HEPH: variants seen among roughly 807,000 people sequenced by gnomAD.
HEPH encodes hephaestin.
A neutral mutation model predicts 80.8 loss-of-function variants in HEPH; 69 were observed. The observed-to-expected ratio is 0.85, with a 90% CI of 0.70 to 1.04. The LOEUF (loss-of-function observed/expected upper bound fraction) is 1.04, where lower values mean the gene tolerates loss of function less well. Ranked by LOEUF, HEPH falls within the 50% of genes least tolerant of loss-of-function variation. The probability of loss-of-function intolerance (pLI) is 0.00; values close to 1 mark genes in which losing one functional copy is unlikely to be tolerated. For missense variants in HEPH, 1,115 were observed against 891.3 expected, an observed-to-expected ratio of 1.25 and a Z score of -3.20; for synonymous variants, 431 against 322.8, an observed-to-expected ratio of 1.34 and a Z score of -3.60.
intron 15 of HEPH, among the ~76,000 whole-genome samples, chrX:66,242,203 G>T (rs1327949839): frequency 9.0e-6 from 1 of 110,663 alleles, no homozygotes; most frequent in Non-Finnish European, 1.9e-5. Context: ...AGAGAATGAA[G>T]AAATAAAGCT....
In HEPH at chrX:66,242,073, G is replaced by GAA. The variant is rs748372748; in HGVS notation, c.2564-12950_2564-12949dup. The stretch of plus-strand genomic sequence containing the variant: ...TGAGTAGGCAAGACAATCCTAAGCA[G>GAA]AAAAAAAAAAAAACTGAAGGCATCA... On this transcript the variant is annotated intron_variant, in intron 15 of 20. Transcript: ENST00000343002. Among the ~76,000 whole-genome samples, 16 of 92,600 alleles carry GAA rather than the reference G, an allele frequency of 1.7e-4. No homozygotes were observed. In the East Asian group the frequency reaches 2.6e-3, roughly 15 times the overall value. 80.4% of individuals were successfully genotyped at this position (92,600 alleles called of 115,157 possible).
At chrX:66,252,484 G>T (rs1055901630) in intron 15 of HEPH, among the ~76,000 whole-genome samples, 6 of 111,456 alleles carry the variant, frequency 5.4e-5, no homozygotes, top group African/African-American at 2.0e-4. Flanking sequence ...AAGAGTAAGA[G>T]ATATGGCTGA....
At chrX:66,190,598 C>G (rs2087737957) in intron 6 of HEPH, among the ~76,000 whole-genome samples, 2 of 111,900 alleles carry the variant, frequency 1.8e-5, no homozygotes, top group Admixed American at 9.5e-5. Context: ...ACATTTGCCA[C>G]ATCCGTAAAA....
At chrX:66,208,984 AATC>A (rs1304745627) in intron 15 of HEPH, among the ~76,000 whole-genome samples, 1 of 110,174 alleles carries the variant, frequency 9.1e-6, no homozygotes, top group Admixed American at 9.8e-5. Context: ...AATATAGAAT[AATC>A]ATAATCTTGT....
At chrX:66,236,729 C>G (rs982640972) in intron 15 of HEPH, among the ~76,000 whole-genome samples, 1 of 111,301 alleles carries the variant, frequency 9.0e-6, no homozygotes, top group East Asian at 2.8e-4. Context: ...GGTTGTGAAT[C>G]TGTCTGGTCC....
Position 66,208,289 on chromosome X carries a change from C to A in HEPH, c.2563+43C>A, listed in dbSNP as rs757022722. On this transcript the variant is annotated intron_variant, in intron 15 of 20. Transcript: ENST00000343002. The stretch of plus-strand genomic sequence containing the variant: ...GTGAAAGAACAAAGGACATGCATCA[C>A]GTCTGCTTCAGGCTTCTGGATTTTT... The A allele has an allele frequency of 4.3e-6, 5 of 1,156,746 alleles. No individual in the cohort carries two copies. The Admixed American group carries it at 7.0e-5, about 16-fold the overall frequency.
rs1207098496 is a variant in HEPH, at chrX:66,189,839, G to A, written c.964G>A (p.Val322Met). Residue 322 changes from valine (V) to methionine (M), a missense_variant, in exon 6 of 21, where the codon GTG (valine) becomes ATG (methionine). This residue lies in a region of HEPH where 391 missense variants were observed against 343.6 expected (regional missense o/e 1.14). Coordinates refer to ENST00000343002, the MANE Select transcript of HEPH (RefSeq NM_001367233.3). ...GACTACCCGTGGACACCACACTGAT[G>A]TGGCTAACATCTTTCCAGCCACCTT... ...MLTTRGHHTD[V>M]ANIFPATFVT... 8.3e-7 allele frequency: 1 copy of A among 1,209,698 alleles called. No homozygotes were observed. Among genetic ancestry groups the A allele is most frequent in the South Asian group, 1.8e-5 (1 of 56,695 alleles).
intron 15 of HEPH, among the ~76,000 whole-genome samples, chrX:66,231,741 C>T (rs2090153307): frequency 9.3e-6 from 1 of 107,739 alleles, no homozygotes; most frequent in African/African-American, 3.4e-5. Context: ...AATTTGACTT[C>T]CTCTTTTCCT....
At chrX:66,199,492 A>C (rs1271421183) in intron 11 of HEPH, among the ~76,000 whole-genome samples, 1 of 111,139 alleles carries the variant, frequency 9.0e-6, no homozygotes, top group African/African-American at 3.3e-5. Flanking sequence ...TAGTTTCATC[A>C]TTTGGAAAAA....
chrX:66,172,476 G>A lies in HEPH; in HGVS notation c.289G>A (p.Gly97Ser). The A allele has an allele frequency of 3.3e-6, 4 of 1,210,624 alleles. No homozygotes were observed. Among genetic ancestry groups the A allele is most frequent in the Non-Finnish European group, 4.5e-6 (4 of 895,026 alleles). Reference protein sequence around the residue: ...TDEVAQPAWLGFLGPVLQAEV... With the variant: ...TDEVAQPAWLSFLGPVLQAEV... ...TGAAGTGGCCCAGCCTGCCTGGTTG[G>A]GCTTCCTGGGGCCAGTGTTGCAGGC... The change falls in exon 3 of 21, where the codon GGC becomes AGC. Residue 97 changes from glycine to serine, a missense_variant. Around this residue, in one of 3 missense-constraint regions of HEPH, gnomAD observed 391 missense variants for 343.6 expected, o/e 1.14. Transcript: ENST00000343002.
At chrX:66,258,152 A>G (rs979363373) in intron 17 of HEPH, among the ~76,000 whole-genome samples, 2 of 111,871 alleles carry the variant, frequency 1.8e-5, no homozygotes, top group African/African-American at 6.5e-5. Flanking sequence ...TTTCCTGCAT[A>G]TTAGGAACCT....
At chrX:66,235,559 C>G (rs1404085824) in intron 15 of HEPH, among the ~76,000 whole-genome samples, 1 of 111,189 alleles carries the variant, frequency 9.0e-6, no homozygotes, top group Non-Finnish European at 1.9e-5. Context: ...TTATATTGGT[C>G]TATGTGTCTA....
rs1297747549 is a variant in HEPH, at chrX:66,197,848, C to T, written c.1667C>T (p.Pro556Leu). ...GACACAAATTCTGGCCTGGTGGGCC[C>T]GCTGCTGGTGTGCAGGGCTGGTGCC... ...IRDTNSGLVG[P>L]LLVCRAGALG... Residue 556 changes from proline (P) to leucine (L), a missense_variant, in exon 10 of 21, where the codon CCG becomes CTG. By Grantham distance (98) the Pro-to-Leu change is moderately conservative. Transcript: ENST00000343002. The T allele has an allele frequency of 1.1e-5, 13 of 1,207,957 alleles. No homozygotes were observed. The highest frequency in any genetic ancestry group is 2.2e-5 in the Admixed American group (1 of 45,726).
At chrX:66,180,591 G>T (rs2087066373) in intron 4 of HEPH, among the ~76,000 whole-genome samples, 2 of 102,353 alleles carry the variant, frequency 2.0e-5, no homozygotes, top group Admixed American at 2.1e-4. Flanking sequence ...ATGTACCTAG[G>T]TGATAATCTT....
At chrX:66,246,792 C>T (rs776317204) in intron 15 of HEPH, among the ~76,000 whole-genome samples, 1 of 111,964 alleles carries the variant, frequency 8.9e-6, no homozygotes, top group East Asian at 2.8e-4. Flanking sequence ...TTGATGAATC[C>T]TGACATGGTT....
chrX:66,180,107 G>A (rs1442753308), intron 4 of HEPH, among the ~76,000 whole-genome samples: 1 of 111,005 alleles, frequency 9.0e-6, no homozygotes, highest in Non-Finnish European at 1.9e-5. Flanking sequence ...AGGTACCATA[G>A]CATTCATCAT....
chrX:66,200,740 C>A lies in HEPH; in HGVS notation c.2065C>A (p.Pro689Thr). 8.3e-7 allele frequency: 1 copy of A among 1,209,133 alleles called. No individual in the cohort carries two copies. The highest frequency in any genetic ancestry group is 1.8e-5 in the South Asian group (1 of 56,567). ...PHTFVMAIMQ[P>T]DNLGTFEIYC... is the part of the protein sequence containing the mutation. The stretch of plus-strand genomic sequence containing the variant: ...TACCTTTGTCATGGCCATCATGCAG[C>A]CTGACAACCTTGGTAAGTGCCTTAG... Residue 689 changes from proline (P) to threonine (T), a missense_variant, in exon 12 of 21, where the codon CCT (proline) becomes ACT (threonine). By Grantham distance (38) the Pro-to-Thr change is conservative. Transcript: ENST00000343002.
chrX:66,194,376 G>C (rs918046888), intron 8 of HEPH, among the ~76,000 whole-genome samples: 2 of 111,383 alleles, frequency 1.8e-5, no homozygotes, highest in Non-Finnish European at 3.8e-5. Flanking sequence ...ACTTCAGTAT[G>C]AGTGCCCAGT....
chrX:66,238,423 A>G (rs905612354), intron 15 of HEPH, among the ~76,000 whole-genome samples: 18 of 111,212 alleles, frequency 1.6e-4, no homozygotes, highest in African/African-American at 5.9e-4. Context: ...TATTTTCTTT[A>G]AGAATGTTGA....
Sources: allele counts gnomAD v4.1 joint callset (sites outside exome capture counted in the v4.1 genomes callset), GRCh38; gene constraint gnomAD v4.1.1; regional missense constraint gnomAD v4.1.1; transcripts MANE v1.5; gene names NCBI Gene and HGNC (gene_info 2026-07-23, HGNC 2026-07-21).